The following ZGRF1 variants were observed in gnomAD, a reference collection of about 807,000 sequenced individuals.
ZGRF1 encodes 5'-3' DNA helicase ZGRF1.
In ZGRF1, 196 loss-of-function variants were observed where a neutral mutation model predicts 203.5. The ratio of observed to expected loss-of-function variants is 0.96; its 90% CI spans 0.86 to 1.08. The LOEUF (loss-of-function observed/expected upper bound fraction) is 1.08. Ranked by LOEUF, ZGRF1 falls within the 50% of genes least tolerant of loss-of-function variation. The pLI is 0.00. For missense variants in ZGRF1, 2,326 were observed against 2,416.3 expected (o/e 0.96, Z 0.78); for synonymous variants, 809 against 841.3 (o/e 0.96, Z 0.66).
Position 112,619,323 on chromosome 4 carries a change from G to C in ZGRF1, c.719C>G (p.Ser240Cys). 1 of 1,612,682 alleles carries C rather than the reference G, an allele frequency of 6.2e-7. No individual in the cohort carries two copies. Among genetic ancestry groups the C allele is most frequent in the South Asian group, 1.1e-5 (1 of 90,888 alleles). The change falls in exon 6 of 28, where the codon TCT (serine) becomes TGT (cysteine). Residue 240 changes from serine to cysteine, a missense_variant. Physicochemically the swap from Ser to Cys is moderately radical, Grantham distance 112 (BLOSUM62 -1). Coordinates refer to ENST00000505019, the MANE Select transcript of ZGRF1 (RefSeq NM_018392.5). ...NEPVKRDSLA[S>C]HYSGVSQNIR... ...GTTTTGTGAAACTCCTGAATAGTGA[G>C]ATGCCAAACTATCTCTTTTCACAGG...
At chr4:112,592,988 G>GT (rs1371185899) in intron 10 of ZGRF1, among the ~76,000 whole-genome samples, 3 of 152,198 alleles carry the variant, frequency 2.0e-5, no homozygotes, top group African/African-American at 7.2e-5. Context: ...AAAAGGACAT[G>GT]TAAGGACATA....
At chr4:112,595,631 A>T (rs1419725914) in intron 10 of ZGRF1, among the ~76,000 whole-genome samples, 1 of 152,168 alleles carries the variant, frequency 6.6e-6, no homozygotes, top group Non-Finnish European at 1.5e-5. Context: ...TGTATGCCCA[A>T]ATAAGCTTAA....
chr4:112,619,107 T>C lies in ZGRF1; in HGVS notation c.935A>G (p.Tyr312Cys). 6.2e-7 allele frequency: 1 copy of C among 1,613,872 alleles called. No individual in the cohort carries two copies. The highest frequency in any genetic ancestry group is 8.5e-7 in the Non-Finnish European group (1 of 1,179,922). ...GGTATTTTCTGATTGATGCTGGTAG[T>C]ATAAATTTTCTGTGCTCTTCATCTC... ...CAEMKSTENLYYQHQSENTMR... is the reference protein window; with the variant it reads ...CAEMKSTENLCYQHQSENTMR... Residue 312 changes from tyrosine to cysteine, a missense_variant, in exon 6 of 28, where the codon TAC becomes TGC. By Grantham distance (194) the Tyr-to-Cys change is radical. Transcript: ENST00000505019.
Position 112,618,226 on chromosome 4 carries a change from T to C in ZGRF1, c.1816A>G (p.Lys606Glu). ...SDKPTVTFPV[K>E]ETLPSQFCDK... ...CAAAACTGTGATGGCAGAGTCTCTT[T>C]AACAGGAAATGTCACTGTAGGTTTG... The change falls in exon 6 of 28, where the codon AAA becomes GAA. Residue 606 changes from lysine to glutamate, a missense_variant. Physicochemically the swap from Lys to Glu is moderately conservative, Grantham distance 56 (BLOSUM62 1). Transcript: ENST00000505019. The C allele has an allele frequency of 3.7e-6, 6 of 1,613,960 alleles. No individual in the cohort carries two copies. The highest frequency in any genetic ancestry group is 5.1e-6 in the Non-Finnish European group (6 of 1,179,912).
chr4:112,617,368 G>T, intron 6 of ZGRF1, 72 bp downstream of exon 6: 2 of 1,112,948 alleles, frequency 1.8e-6, no homozygotes, highest in Non-Finnish European at 2.6e-6. Flanking sequence ...ATCACCCAGA[G>T]CTAATATCTT....
chr4:112,590,083 A>AT (rs1415359865), intron 10 of ZGRF1, among the ~76,000 whole-genome samples: 9 of 152,262 alleles, frequency 5.9e-5, no homozygotes, highest in African/African-American at 2.2e-4. Flanking sequence ...AATACAGAGC[A>AT]TAAAATCTTT....
chr4:112,557,581 T>G (rs1179569523), intron 20 of ZGRF1, among the ~76,000 whole-genome samples: 1 of 152,170 alleles, frequency 6.6e-6, no homozygotes, highest in Non-Finnish European at 1.5e-5. Flanking sequence ...ATATCTGCAT[T>G]GGTTTCCCTT....
intron 8 of ZGRF1, among the ~76,000 whole-genome samples, chr4:112,609,055 T>C (rs1035653103): frequency 6.6e-6 from 1 of 151,998 alleles, no homozygotes; most frequent in Non-Finnish European, 1.5e-5. Context: ...TATAATTGGC[T>C]AATTTTTTTT....
At chr4:112,592,533 A>G (rs1392676701) in intron 10 of ZGRF1, among the ~76,000 whole-genome samples, 3 of 152,208 alleles carry the variant, frequency 2.0e-5, no homozygotes, top group Non-Finnish European at 4.4e-5. Flanking sequence ...GGATGTCTCA[A>G]TAATAATTCA....
In ZGRF1 at chr4:112,585,626, A is replaced by C. The variant is rs535903637; in HGVS notation, c.4016T>G (p.Leu1339Arg). ...SFYTSLKGEKLKNAENNVPSC... is the reference protein window; with the variant it reads ...SFYTSLKGEKRKNAENNVPSC... ...TGGTACATTATTTTCTGCGTTTTTC[A>C]GTTTCTCTCCCTTCAATGATGTATA... Residue 1339 changes from leucine to arginine, a missense_variant, in exon 14 of 28, where the codon CTG becomes CGG. Physicochemically the swap from Leu to Arg is moderately radical, Grantham distance 102. Transcript: ENST00000505019. 6 of 1,611,768 alleles carry C rather than the reference A, an allele frequency of 3.7e-6. No homozygotes were observed. The East Asian group carries it at 6.7e-5, about 18-fold the overall frequency.
rs1750733003 is a variant in ZGRF1, at chr4:112,606,094, A to C, written c.2719-3T>G. The C allele has an allele frequency of 5.9e-6, 9 of 1,534,178 alleles. No individual in the cohort carries two copies. Among genetic ancestry groups the C allele is most frequent in the Non-Finnish European group, 7.1e-6 (8 of 1,120,372 alleles). On this transcript the variant is annotated splice_polypyrimidine_tract_variant and splice_region_variant and intron_variant, in intron 8 of 27. Coordinates refer to ENST00000505019, the MANE Select transcript of ZGRF1 (RefSeq NM_018392.5). ...TCTTTACTTCCCGAGGAAGAGAACTAGGATAAAATATGAATAAGTTATCTA... is the reference window on the plus strand; with the variant it reads ...TCTTTACTTCCCGAGGAAGAGAACTCGGATAAAATATGAATAAGTTATCTA...
intron 7 of ZGRF1, 35 bp downstream of exon 7, chr4:112,612,489 T>C (rs1365259432): frequency 9.6e-6 from 13 of 1,351,100 alleles, no homozygotes; most frequent in Non-Finnish European, 1.0e-5. Flanking sequence ...CTTATCAAAA[T>C]AAAAAAAACA....
At chr4:112,544,455 G>A (rs1446421951) in intron 24 of ZGRF1, among the ~76,000 whole-genome samples, 2 of 152,248 alleles carry the variant, frequency 1.3e-5, no homozygotes, top group African/African-American at 2.4e-5. Context: ...TGATGGCAAC[G>A]GTTCCTAAGA....
intron 22 of ZGRF1, among the ~76,000 whole-genome samples, chr4:112,552,496 T>C (rs529128089): frequency 1.4e-5 from 2 of 146,800 alleles, no homozygotes; most frequent in East Asian, 4.8e-4. Context: ...ATGATTCTTA[T>C]ATATCATTGT....
chr4:112,579,143 G>T (rs1479709461), intron 16 of ZGRF1, among the ~76,000 whole-genome samples: 1 of 122,560 alleles, frequency 8.2e-6, no homozygotes, highest in Non-Finnish European at 1.8e-5. Context: ...ACATAATCCA[G>T]CATATAAACA....
intron 4 of ZGRF1, among the ~76,000 whole-genome samples, chr4:112,621,178 C>G (rs190316557): frequency 1.6e-4 from 24 of 152,234 alleles, no homozygotes; most frequent in Admixed American, 1.6e-3. Context: ...CTAAGTGTAA[C>G]TTTTCAAAAA....
intron 16 of ZGRF1, among the ~76,000 whole-genome samples, chr4:112,580,325 T>G (rs1745992147): frequency 7.1e-6 from 1 of 141,600 alleles, no homozygotes; most frequent in South Asian, 2.5e-4. Context: ...ATAAAAACCC[T>G]AGAAGAAAAC....
chr4:112,587,695 G>C lies in ZGRF1; in HGVS notation c.3362C>G (p.Thr1121Ser), dbSNP rs1296083557. The C allele has an allele frequency of 6.2e-7, 1 of 1,606,876 alleles. No individual in the cohort carries two copies. Among genetic ancestry groups the C allele is most frequent in the Non-Finnish European group, 8.5e-7 (1 of 1,176,052 alleles). The stretch of plus-strand genomic sequence containing the variant: ...TTCCCTAGATTCTTCAGAGAAAAAG[G>C]TTTCATTTTGGTCCTCAGGCTCAAT... The part of the protein sequence containing the change: ...FSIEPEDQNE[T>S]FFSEESREVN... The change falls in exon 12 of 28, where the codon ACC (threonine) becomes AGC (serine). Residue 1121 changes from threonine (T) to serine (S), a missense_variant. Physicochemically the swap from Thr to Ser is moderately conservative, Grantham distance 58. Coordinates refer to ENST00000505019, the MANE Select transcript of ZGRF1 (RefSeq NM_018392.5).
In ZGRF1 at chr4:112,617,944, C is replaced by T. The variant is rs374380192; in HGVS notation, c.2098G>A (p.Glu700Lys). ...TCTTCTGAAAATAGATTACTGTTTT[C>T]AGCAATCTGGTTTTGAATATGAGGA... ...HIPHIQNQIA[E>K]NSNLFSEDAQ... The change falls in exon 6 of 28, where the codon GAA (glutamate) becomes AAA (lysine). Residue 700 changes from glutamate to lysine, a missense_variant. Glu to Lys is a moderately conservative substitution (Grantham distance 56, BLOSUM62 1). Coordinates refer to ENST00000505019, the MANE Select transcript of ZGRF1 (RefSeq NM_018392.5). The T allele has an allele frequency of 1.4e-5, 22 of 1,613,212 alleles. No homozygotes were observed. The highest frequency in any genetic ancestry group is 1.6e-4 in the Middle Eastern group (1 of 6,082).
Sources: gnomAD v4.1 joint callset for allele counts (sites outside exome capture counted in the v4.1 genomes callset) on GRCh38, gnomAD v4.1.1 for gene constraint, MANE v1.5 for transcripts, NCBI Gene and HGNC (gene_info 2026-07-23, HGNC 2026-07-21) for gene names.